CYB561A3: variants seen among roughly 807,000 people sequenced by gnomAD.
CYB561A3 encodes the protein cytochrome b561 family member A3, also known as lysosomal membrane ascorbate-dependent ferrireductase CYB561A3.
In CYB561A3, 16 loss-of-function variants were observed where a neutral mutation model predicts 25.3. The ratio of observed to expected loss-of-function variants is 0.63; its 90% CI spans 0.43 to 0.96. The LOEUF is 0.96. Among genes scored for constraint, CYB561A3 ranks in the 40% least tolerant of loss-of-function variants. The pLI is 0.00. For synonymous variants in CYB561A3, 131 were observed against 129.9 expected (o/e 1.01, Z -0.06); for missense variants, 219 against 307.5 (o/e 0.71, Z 2.15).
intron 1 of CYB561A3, chr11:61,360,099 GGGCGTGAT>G (rs1353991325): frequency 4.6e-5 from 7 of 151,826 alleles, no homozygotes; most frequent in African/African-American, 1.7e-4. Context: ...AAAATTAGCT[GGGCGTGAT>G]GGCATCCACC....
chr11:61,356,829 A>C (rs577994166), intron 2 of CYB561A3, 101 bp from the exon 3 acceptor site: 1 of 1,501,872 alleles, frequency 6.7e-7, no homozygotes, highest in Admixed American at 2.3e-5. Context: ...GTGGGATGGA[A>C]TCTTTTTGCT....
At position 61,351,089 on chromosome 11, in the gene CYB561A3, T is replaced by C. The variant is rs776277617; in HGVS notation, c.607A>G (p.Thr203Ala). 1 of 1,613,930 alleles carries C rather than the reference T, an allele frequency of 6.2e-7. No individual in the cohort carries two copies. The highest frequency in any genetic ancestry group is 1.1e-5 in the South Asian group (1 of 91,028). The change falls in exon 6 of 7, where the codon ACC (threonine) becomes GCC (alanine). Residue 203 changes from threonine to alanine, a missense_variant. Physicochemically the swap from Thr to Ala is moderately conservative, Grantham distance 58. Coordinates refer to ENST00000294072, the MANE Select transcript of CYB561A3 (RefSeq NM_153611.6). ...CCAAAGGCCACCACCAGCATCCCGG[T>C]GCTGTTGGCAAAGACCGCCTCACTG... is the stretch of plus-strand genomic sequence containing the variant. ...LPSEAVFANS[T>A]GMLVVAFGLL...
Position 61,356,572 on chromosome 11 carries a change from G to T in CYB561A3, c.142C>A (p.Pro48Thr). 6.2e-7 allele frequency: 1 copy of T among 1,614,140 alleles called. No individual in the cohort carries two copies. Among genetic ancestry groups the T allele is most frequent in the Non-Finnish European group, 8.5e-7 (1 of 1,180,030 alleles). The change falls in exon 3 of 7, where the codon CCA becomes ACA. Residue 48 changes from proline (P) to threonine (T), a missense_variant. Transcript: ENST00000294072. ...ACCATGCCAGCAACCATAAGCACTG[G>T]GTGCCAGTTGAACATGTAGATGCTG... Reference protein sequence around the residue: ...NGSIYMFNWHPVLMVAGMVVF... With the variant: ...NGSIYMFNWHTVLMVAGMVVF...
At position 61,352,918 on chromosome 11, in the gene CYB561A3, G is replaced by C. The variant is rs1267398552; in HGVS notation, c.548+67C>G. 9 of 1,612,830 alleles carry C rather than the reference G, an allele frequency of 5.6e-6. No homozygotes were observed. In the South Asian group the frequency reaches 9.9e-5, roughly 18 times the overall value. On this transcript the variant is annotated intron_variant, in intron 5 of 6. Transcript: ENST00000294072. ...CCCTTGGGTGAGTCCTGTGATCACA[G>C]GGTGTATCTTTTGAAGACCCTATTC... is the stretch of plus-strand genomic sequence containing the variant.
chr11:61,358,631 A>C (rs1170517252), intron 1 of CYB561A3: 1 of 152,236 alleles, frequency 6.6e-6, no homozygotes, highest in East Asian at 1.9e-4. Flanking sequence ...CGGTAGGCTG[A>C]GGCAGGAAAA....
At position 61,353,310 on chromosome 11, in the gene CYB561A3, C is replaced by T. The variant is rs1223545955; in HGVS notation, c.394-171G>A. The stretch of plus-strand genomic sequence containing the variant: ...TAGCTTCCTCATTGTGGCCTATTAC[C>T]CAAGCAACAAGAACAGTAAATGACA... On this transcript the variant is annotated intron_variant, in intron 4 of 6. Transcript: ENST00000294072. 9 of 824,684 alleles carry T rather than the reference C, an allele frequency of 1.1e-5. No individual in the cohort carries two copies. The South Asian group carries it at 1.7e-4, about 15-fold the overall frequency. The allele number at this position is 824,684 out of a possible 1,614,324, so 51.1% of individuals were successfully genotyped here. A position where few individuals can be genotyped will look rare whatever the true frequency, so the allele number is the denominator to read the frequency against.
Position 61,349,378 on chromosome 11 carries a change from G to T in CYB561A3, c.*1021C>A. On this transcript the variant is annotated 3_prime_UTR_variant, in exon 7 of 7. Coordinates refer to ENST00000294072, the MANE Select transcript of CYB561A3 (RefSeq NM_153611.6). ...CCACAACTTTGGCATCAGCTGCATGGTGAGCTGCAGAGTGGTCAGAGGGGC... is the reference window on the plus strand; with the variant it reads ...CCACAACTTTGGCATCAGCTGCATGTTGAGCTGCAGAGTGGTCAGAGGGGC... 1.7e-6 allele frequency: 1 copy of T among 590,158 alleles called. No individual in the cohort carries two copies. Among genetic ancestry groups the T allele is most frequent in the Non-Finnish European group, 3.1e-6 (1 of 325,684 alleles). The allele number at this position is 590,158 out of a possible 1,614,324, so 36.6% of individuals were successfully genotyped here. A position where few individuals can be genotyped will look rare whatever the true frequency, so the allele number is the denominator to read the frequency against.
chr11:61,350,919 C>G (rs1236224922), intron 6 of CYB561A3, 72 bp downstream of exon 6: 1 of 1,527,856 alleles, frequency 6.5e-7, no homozygotes, highest in Middle Eastern at 2.3e-4. Context: ...GTCAAGGCCC[C>G]AGCCTTTCGT....
In CYB561A3 at chr11:61,349,595, CG is replaced by C. The variant is rs1565063951; in HGVS notation, c.*803del. On this transcript the variant is annotated 3_prime_UTR_variant, in exon 7 of 7. Coordinates refer to ENST00000294072, the MANE Select transcript of CYB561A3 (RefSeq NM_153611.6). ...TAGGGCTGCCTGCCGGTGACAGACA[CG>C]TAAGTCACAGGGAAAGGCCGGGATC... is the stretch of plus-strand genomic sequence containing the variant. 2.8e-6 allele frequency: 2 copies of C among 702,850 alleles called. No homozygotes were observed. Among genetic ancestry groups the C allele is most frequent in the Non-Finnish European group, 5.2e-6 (2 of 384,994 alleles). The allele number at this position is 702,850 out of a possible 1,614,324, so 43.5% of individuals were successfully genotyped here. A position where few individuals can be genotyped will look rare whatever the true frequency, so the allele number is the denominator to read the frequency against.
chr11:61,359,489 A>G (rs926311405), intron 1 of CYB561A3: 2 of 152,048 alleles, frequency 1.3e-5, no homozygotes, highest in Non-Finnish European at 2.9e-5. Flanking sequence ...CACTCATCTG[A>G]CAATATCTAC....
At chr11:61,356,230 A>G (rs1432009303) in intron 3 of CYB561A3, 6 of 382,722 alleles carry the variant, frequency 1.6e-5, no homozygotes, top group Non-Finnish European at 2.9e-5. Flanking sequence ...CTCACAATAC[A>G]GTGGCAGAGC....
At chr11:61,351,289 T>C (rs973452022) in intron 5 of CYB561A3, 142 bp from the exon 6 acceptor site, 40 of 796,068 alleles carry the variant, frequency 5.0e-5, no homozygotes, top group African/African-American at 7.7e-5. Context: ...CCTTTCTTTT[T>C]TTTTTTTTTT....
At chr11:61,359,238 A>AAG (rs1554968276) in intron 1 of CYB561A3, 11 of 151,730 alleles carry the variant, frequency 7.2e-5, no homozygotes, top group African/African-American at 2.4e-4. Context: ...AAAAAAAAAA[A>AAG]AAAGAAAAGA....
Position 61,350,354 on chromosome 11 carries a change from A to G in CYB561A3, c.*45T>C, listed in dbSNP as rs1371425071. 2 of 1,598,740 alleles carry G rather than the reference A, an allele frequency of 1.3e-6. No individual in the cohort carries two copies. Among genetic ancestry groups the G allele is most frequent in the Non-Finnish European group, 1.7e-6 (2 of 1,173,320 alleles). Reference sequence around the variant, plus strand: ...GAAGAGCAGAGCTTCTGAGGGGAGCACAGGCTGCACCACCAGGAGCTCTTG... The same window carrying G: ...GAAGAGCAGAGCTTCTGAGGGGAGCGCAGGCTGCACCACCAGGAGCTCTTG... On this transcript the variant is annotated 3_prime_UTR_variant, in exon 7 of 7. Coordinates refer to ENST00000294072, the MANE Select transcript of CYB561A3 (RefSeq NM_153611.6).
Position 61,349,607 on chromosome 11 carries a change from G to A in CYB561A3, c.*792C>T, listed in dbSNP as rs1378774614. On this transcript the variant is annotated 3_prime_UTR_variant, in exon 7 of 7. Coordinates refer to ENST00000294072, the MANE Select transcript of CYB561A3 (RefSeq NM_153611.6). Reference sequence around the variant, plus strand: ...CCGGTGACAGACACGTAAGTCACAGGGAAAGGCCGGGATCCAGGCCTCAGC... The same window carrying A: ...CCGGTGACAGACACGTAAGTCACAGAGAAAGGCCGGGATCCAGGCCTCAGC... 2.4e-5 allele frequency: 17 copies of A among 702,872 alleles called. No individual in the cohort carries two copies. The Admixed American group carries it at 3.2e-4, about 13-fold the overall frequency. 43.5% of individuals were successfully genotyped at this position (702,872 alleles called of 1,614,324 possible).
chr11:61,353,279 C>G (rs910892026), intron 4 of CYB561A3, 140 bp from the exon 5 acceptor site: 32 of 1,099,300 alleles, frequency 2.9e-5, no homozygotes, highest in Non-Finnish European at 3.3e-5. Context: ...TTGCCCACTA[C>G]CGTGCTAGCT....
intron 6 of CYB561A3, 62 bp downstream of exon 6, chr11:61,350,929 T>C: frequency 6.5e-7 from 1 of 1,539,196 alleles, no homozygotes; most frequent in South Asian, 1.3e-5. Flanking sequence ...CAGCCTTTCG[T>C]GGGAGATCCT....
Position 61,350,134 on chromosome 11 carries a change from G to A in CYB561A3, c.*265C>T. The A allele has an allele frequency of 1.7e-6, 1 of 582,390 alleles. No individual in the cohort carries two copies. Among genetic ancestry groups the A allele is most frequent in the South Asian group, 2.1e-5 (1 of 48,548 alleles). 36.1% of individuals were successfully genotyped at this position (582,390 alleles called of 1,614,324 possible). On this transcript the variant is annotated 3_prime_UTR_variant, in exon 7 of 7. Transcript: ENST00000294072. ...CAAGCAGCCAGAGAAGGCAGGCCCA[G>A]CACCCAGGCAAAGCCACCAAGGAAA...
chr11:61,351,084 C>T lies in CYB561A3; in HGVS notation c.612G>A (p.Gly204=). 1 of 1,614,014 alleles carries T rather than the reference C, an allele frequency of 6.2e-7. No individual in the cohort carries two copies. The highest frequency in any genetic ancestry group is 8.5e-7 in the Non-Finnish European group (1 of 1,179,988). Residue 204 remains glycine (G), a synonymous_variant, in exon 6 of 7, where the codon GGG becomes GGA. Transcript: ENST00000294072. ...GCAGCCCAAAGGCCACCACCAGCATCCCGGTGCTGTTGGCAAAGACCGCCT... is the reference window on the plus strand; with the variant it reads ...GCAGCCCAAAGGCCACCACCAGCATTCCGGTGCTGTTGGCAAAGACCGCCT... ...PSEAVFANST[G]MLVVAFGLLV... is the part of the protein sequence containing the mutation.
Sources: allele counts gnomAD v4.1 joint callset, GRCh38; gene constraint gnomAD v4.1.1; transcripts MANE v1.5; gene names NCBI Gene and HGNC (gene_info 2026-07-23, HGNC 2026-07-21).